The following LDB3 variants were observed in gnomAD, a reference collection of about 807,000 sequenced individuals.
LDB3 encodes LIM domain-binding protein 3.
Under a neutral mutation model 69.0 loss-of-function variants are expected in LDB3, and 49 were observed. That is an observed-to-expected ratio of 0.71 (90% CI 0.56 to 0.90). The LOEUF (loss-of-function observed/expected upper bound fraction) is 0.90, where lower values mean the gene tolerates loss of function less well. LDB3 is among the 40% of genes least tolerant of loss of function. The pLI, the probability that LDB3 is intolerant of heterozygous loss-of-function variation, is 0.00. For missense variants in LDB3, 928 were observed against 974.1 expected (o/e 0.95, Z 0.63); for synonymous variants, 387 against 396.2 (o/e 0.98, Z 0.28).
At position 86,733,007 on chromosome 10, in the gene LDB3, C is replaced by CGGAGCAGCA; in HGVS notation, c.*36_*37insAGCAGGAGC. 2 of 1,498,014 alleles carry CGGAGCAGCA rather than the reference C, an allele frequency of 1.3e-6. No homozygotes were observed. The highest frequency in any genetic ancestry group is 1.9e-6 in the Non-Finnish European group (2 of 1,079,694). The allele number at this position is 1,498,014 out of a possible 1,614,324, so 92.8% of individuals were successfully genotyped here. On this transcript the variant is annotated 3_prime_UTR_variant, in exon 14 of 14. Transcript: ENST00000361373. ...CAAGGCCGCCTGTGCTGACGAGGCCCGGAGCTGCTCCTGCTGCTGGCAACA... is the reference window on the plus strand; with the variant it reads ...CAAGGCCGCCTGTGCTGACGAGGCCCGGAGCAGCAGGAGCTGCTCCTGCTGCTGGCAACA...
At chr10:86,703,791 C>G (rs1005684834) in intron 7 of LDB3, among the ~76,000 whole-genome samples, 1 of 152,198 alleles carries the variant, frequency 6.6e-6, no homozygotes, top group African/African-American at 2.4e-5. Flanking sequence ...AGACCAGCAG[C>G]ATCAGCATCA....
At chr10:86,678,346 T>C (rs1844921345) in intron 2 of LDB3, among the ~76,000 whole-genome samples, 1 of 145,424 alleles carries the variant, frequency 6.9e-6, no homozygotes. Flanking sequence ...CACCCTTTTT[T>C]TTTTTTTTTT....
At chr10:86,691,559 G>A (rs928183639) in intron 5 of LDB3, among the ~76,000 whole-genome samples, 3 of 152,278 alleles carry the variant, frequency 2.0e-5, no homozygotes, top group Admixed American at 6.5e-5. Flanking sequence ...GCTCACGGAG[G>A]TCAAAGAAGA....
chr10:86,678,494 C>G (rs1321040131), intron 2 of LDB3, among the ~76,000 whole-genome samples: 1 of 151,994 alleles, frequency 6.6e-6, no homozygotes, highest in Non-Finnish European at 1.5e-5. Context: ...CGCCCACCAC[C>G]AGGCATGGCT....
chr10:86,733,030 A>T lies in LDB3; in HGVS notation c.*54A>T. Reference sequence around the variant, plus strand: ...CCCGGAGCTGCTCCTGCTGCTGGCAACAAAGGATTCGGGAGGCTGATGTTT... The same window carrying T: ...CCCGGAGCTGCTCCTGCTGCTGGCATCAAAGGATTCGGGAGGCTGATGTTT... On this transcript the variant is annotated 3_prime_UTR_variant, in exon 14 of 14. Transcript: ENST00000361373. The T allele has an allele frequency of 7.8e-7, 1 of 1,289,016 alleles. No individual in the cohort carries two copies. Among genetic ancestry groups the T allele is most frequent in the Non-Finnish European group, 1.1e-6 (1 of 895,324 alleles). 79.8% of individuals were successfully genotyped at this position (1,289,016 alleles called of 1,614,324 possible). A position where few individuals can be genotyped will look rare whatever the true frequency, so the allele number is the denominator to read the frequency against.
At chr10:86,673,264 C>A (rs939076242) in intron 2 of LDB3, among the ~76,000 whole-genome samples, 1 of 152,196 alleles carries the variant, frequency 6.6e-6, no homozygotes, top group African/African-American at 2.4e-5. Flanking sequence ...TTGAGGAAAG[C>A]CAGGGGAGGT....
At chr10:86,718,598 A>G in intron 11 of LDB3, 129 bp from the exon 12 acceptor site, 1 of 1,280,702 alleles carries the variant, frequency 7.8e-7, no homozygotes, top group South Asian at 1.2e-5. Flanking sequence ...CAGAGTGACC[A>G]AGGCCTGCAT....
At chr10:86,720,366 C>A (rs1367899597) in intron 12 of LDB3, among the ~76,000 whole-genome samples, 1 of 152,038 alleles carries the variant, frequency 6.6e-6, no homozygotes, top group Non-Finnish European at 1.5e-5. Flanking sequence ...ATCGCTTGAA[C>A]CCGGGAGGCA....
At chr10:86,694,018 CT>C (rs1296793359) in intron 7 of LDB3, among the ~76,000 whole-genome samples, 5 of 152,208 alleles carry the variant, frequency 3.3e-5, no homozygotes, top group African/African-American at 1.2e-4. Context: ...TCCTGGCTCC[CT>C]TCTGGTTCCT....
At position 86,717,973 on chromosome 10, in the gene LDB3, T is replaced by A. The variant is rs772678027; in HGVS notation, c.1686T>A (p.Phe562Leu). ...TTCTGTGCTTCCCCAGGGGCCCATT[T>A]CTGGTAGCCATGGGCCGTTCTTGGC... is the stretch of plus-strand genomic sequence containing the variant. ...GHCNNVIRGP[F>L]LVAMGRSWHP... The change falls in exon 11 of 14, where the codon TTT becomes TTA. Residue 562 changes from phenylalanine (F) to leucine (L), a missense_variant. By Grantham distance (22) the Phe-to-Leu change is conservative (BLOSUM62 0). Transcript: ENST00000361373. 6.2e-7 allele frequency: 1 copy of A among 1,614,100 alleles called. No homozygotes were observed. The highest frequency in any genetic ancestry group is 8.5e-7 in the Non-Finnish European group (1 of 1,179,952).
At chr10:86,686,679 G>A (rs1188929895) in intron 5 of LDB3, among the ~76,000 whole-genome samples, 1 of 151,974 alleles carries the variant, frequency 6.6e-6, no homozygotes, top group Non-Finnish European at 1.5e-5. Flanking sequence ...AGTGGCATAT[G>A]CCTGTGGTCC....
intron 2 of LDB3, among the ~76,000 whole-genome samples, chr10:86,671,000 C>T (rs1444010884): frequency 6.6e-6 from 1 of 152,214 alleles, no homozygotes; most frequent in African/African-American, 2.4e-5. Context: ...GGCCCTTCTG[C>T]ACCAGGGACA....
At chr10:86,727,184 C>G (rs554393316) in intron 13 of LDB3, among the ~76,000 whole-genome samples, 2 of 152,110 alleles carry the variant, frequency 1.3e-5, no homozygotes, top group East Asian at 3.9e-4. Flanking sequence ...CCATGCCTGG[C>G]TAATTTTGTG....
rs751482077 is a variant in LDB3 at position 86,679,440 on chromosome 10, A to G, written c.167A>G (p.Asn56Ser). 6.8e-6 allele frequency: 11 copies of G among 1,614,148 alleles called. No individual in the cohort carries two copies. Among genetic ancestry groups the G allele is most frequent in the African/African-American group, 2.7e-5 (2 of 75,044 alleles). The change falls in exon 3 of 14, where the codon AAC becomes AGC. Residue 56 changes from asparagine to serine, a missense_variant. Physicochemically the swap from Asn to Ser is conservative, Grantham distance 46 (BLOSUM62 1). Coordinates refer to ENST00000361373, the MANE Select transcript of LDB3 (RefSeq NM_007078.3). Reference protein sequence around the residue: ...GDLVVAIDGVNTDTMTHLEAQ... With the variant: ...GDLVVAIDGVSTDTMTHLEAQ... The stretch of plus-strand genomic sequence containing the variant: ...CTCGTGGTGGCCATTGACGGCGTCA[A>G]CACAGACACCATGACCCACCTGGAA...
chr10:86,709,829 G>A, intron 8 of LDB3, 76 bp from the exon 9 acceptor site: 1 of 1,549,558 alleles, frequency 6.5e-7, no homozygotes, highest in Non-Finnish European at 8.8e-7. Context: ...TGAAGACCTG[G>A]GAGCCAGCCT....
chr10:86,683,970 C>A (rs1845305860), intron 5 of LDB3, among the ~76,000 whole-genome samples: 1 of 152,344 alleles, frequency 6.6e-6, no homozygotes, highest in Admixed American at 6.5e-5. Flanking sequence ...CCCGGAGTCA[C>A]AGTGCTAGGA....
Position 86,699,210 on chromosome 10 carries a change from C to T in LDB3, c.896+6639C>T, listed in dbSNP as rs1426680744. The T allele has an allele frequency of 1.3e-6, 2 of 1,578,374 alleles. No homozygotes were observed. Among genetic ancestry groups the T allele is most frequent in the Admixed American group, 1.7e-5 (1 of 59,118 alleles). ...CCCTAACCCCTTTCATTCTCCCTCT[C>T]TTCTCTCTCTTTCTGTCTCTGTCTC... On this transcript the variant is annotated intron_variant, in intron 7 of 13. Transcript: ENST00000361373. The surrounding 1 kb of genome is among the most constrained non-coding windows in gnomAD (Gnocchi z 4.9).
chr10:86,680,254 T>G (rs1845038252), intron 4 of LDB3, 97 bp downstream of exon 4: 4 of 1,126,422 alleles, frequency 3.6e-6, no homozygotes, highest in Non-Finnish European at 4.0e-6. Context: ...CCAACTGGGA[T>G]GAGGCCGTGG....
intron 9 of LDB3, among the ~76,000 whole-genome samples, chr10:86,713,833 G>A (rs1846761745): frequency 6.6e-6 from 1 of 152,172 alleles, no homozygotes; most frequent in African/African-American, 2.4e-5. Context: ...CATGCCCTGT[G>A]GGGCAGGCAG....
Sources: allele counts gnomAD v4.1 joint callset (sites outside exome capture counted in the v4.1 genomes callset), GRCh38; gene constraint gnomAD v4.1.1; non-coding constraint Gnocchi (gnomAD v3.1); transcripts MANE v1.5; gene names NCBI Gene and HGNC (gene_info 2026-07-23, HGNC 2026-07-21).